The following REEP1 variants were observed in gnomAD, a reference collection of about 807,000 sequenced individuals.
REEP1 encodes the protein receptor expression-enhancing protein 1.
In REEP1, 22 loss-of-function variants were observed where a neutral mutation model predicts 40.3. The ratio of observed to expected loss-of-function variants is 0.55; its 90% CI spans 0.39 to 0.78. REEP1 has a LOEUF of 0.78. Among genes scored for constraint, REEP1 ranks in the 30% least tolerant of loss-of-function variants. The pLI, the probability that REEP1 is intolerant of heterozygous loss-of-function variation, is 0.00. For synonymous variants in REEP1, 116 were observed against 139.2 expected, an observed-to-expected ratio of 0.83 and a Z score of 1.17; for missense variants, 280 against 361.1, an observed-to-expected ratio of 0.78 and a Z score of 1.82.
At chr2:86,285,470 G>C (rs974428273) in intron 1 of REEP1, among the ~76,000 whole-genome samples, 2 of 152,136 alleles carry the variant, frequency 1.3e-5, no homozygotes, top group African/African-American at 4.8e-5. Flanking sequence ...TGTTCTACAA[G>C]CTGTACTCAC....
chr2:86,295,471 T>G (rs754619059), intron 1 of REEP1, among the ~76,000 whole-genome samples: 1 of 152,250 alleles, frequency 6.6e-6, no homozygotes, highest in Admixed American at 6.5e-5. Flanking sequence ...CTAAAAAGTA[T>G]GGTGGAATAC....
rs945339106 is a variant in REEP1, at chr2:86,278,802, G to C, written c.105+3368C>G. On this transcript the variant is annotated intron_variant, in intron 2 of 8. Transcript: ENST00000538924. ...TCCTATGGTGTGAGCTGGGCCGTCA[G>C]CACCACCCAGCCTCCTTGGATCCTC... 3.9e-5 allele frequency among the ~76,000 whole-genome samples: 6 copies of C among 152,292 alleles called. No individual in the cohort carries two copies. In the South Asian group the frequency reaches 1.2e-3, roughly 32 times the overall value.
At chr2:86,301,170 T>C (rs1679242753) in intron 1 of REEP1, among the ~76,000 whole-genome samples, 1 of 152,226 alleles carries the variant, frequency 6.6e-6, no homozygotes. Context: ...TTCATCCGCA[T>C]TCTCTTTGAA....
intron 1 of REEP1, among the ~76,000 whole-genome samples, chr2:86,305,006 C>T (rs1050495148): frequency 1.3e-5 from 2 of 151,974 alleles, no homozygotes; most frequent in Admixed American, 6.6e-5. Context: ...CAGACAGGCT[C>T]TATGGGCAAA....
intron 1 of REEP1, among the ~76,000 whole-genome samples, chr2:86,294,638 G>C (rs552807652): frequency 6.6e-6 from 1 of 151,998 alleles, no homozygotes; most frequent in Non-Finnish European, 1.5e-5. Flanking sequence ...TTTTTTACTG[G>C]TTCTGGTTGT....
At chr2:86,276,633 T>C (rs1194257187) in intron 2 of REEP1, among the ~76,000 whole-genome samples, 2 of 152,176 alleles carry the variant, frequency 1.3e-5, no homozygotes, top group African/African-American at 4.8e-5. Flanking sequence ...TGGTGTGCAG[T>C]CCTGGAGGGT....
chr2:86,318,817 A>G (rs1294944898), intron 1 of REEP1, among the ~76,000 whole-genome samples: 1 of 152,196 alleles, frequency 6.6e-6, no homozygotes, highest in Non-Finnish European at 1.5e-5. Flanking sequence ...TGGTTAGACA[A>G]GAGGGAAATG....
At chr2:86,238,424 A>C (rs1280094923) in intron 5 of REEP1, among the ~76,000 whole-genome samples, 2 of 152,206 alleles carry the variant, frequency 1.3e-5, no homozygotes, top group Admixed American at 1.3e-4. Flanking sequence ...TGTACTCCAC[A>C]CAATGATATT....
chr2:86,332,069 C>T (rs998598141), intron 1 of REEP1, among the ~76,000 whole-genome samples: 4 of 152,110 alleles, frequency 2.6e-5, no homozygotes, highest in African/African-American at 9.7e-5. Context: ...CCTGTATTCC[C>T]AGGGAAGCCC....
intron 1 of REEP1, among the ~76,000 whole-genome samples, chr2:86,314,907 G>A (rs1035230262): frequency 3.8e-4 from 57 of 151,756 alleles, no homozygotes; most frequent in African/African-American, 1.4e-3. Context: ...TGCCCAGCCT[G>A]GTCTCAAACT....
Position 86,277,342 on chromosome 2 carries a change from G to C in REEP1, c.105+4828C>G, listed in dbSNP as rs1005494812. 2.0e-5 allele frequency among the ~76,000 whole-genome samples: 3 copies of C among 152,084 alleles called. 1 individual carries two copies. The highest frequency in any genetic ancestry group is 7.2e-5 in the African/African-American group (3 of 41,400). On this transcript the variant is annotated intron_variant, in intron 2 of 8. Transcript: ENST00000538924. Reference sequence around the variant, plus strand: ...AGGCCAAGGTGTGTGGATTGCCTGAGGTCAGGAGTTCAAGACCAGCCTGGC... The same window carrying C: ...AGGCCAAGGTGTGTGGATTGCCTGACGTCAGGAGTTCAAGACCAGCCTGGC...
At chr2:86,327,966 T>C (rs1680594263) in intron 1 of REEP1, among the ~76,000 whole-genome samples, 1 of 151,994 alleles carries the variant, frequency 6.6e-6, no homozygotes, top group African/African-American at 2.4e-5. Context: ...CAGTATTTGG[T>C]TGGAGCAGGG....
At position 86,251,958 on chromosome 2, in the gene REEP1, T is replaced by C. The variant is rs1269881527; in HGVS notation, c.416A>G (p.Lys139Arg). ...GTTGTGGTACTTCCAGCACAGTACC[T>C]TGGAAGCAGCCATCACAGCCGCTGT... is the stretch of plus-strand genomic sequence containing the variant. ...AATAAVMAASKGQGALSERLR... is the reference protein window; with the variant it reads ...AATAAVMAASRGQGALSERLR... The change falls in exon 5 of 9, where the codon AAG becomes AGG. Residue 139 changes from lysine (K) to arginine (R), a missense_variant and splice_region_variant. This residue lies in a region of REEP1 where 201 missense variants were observed against 238.5 expected (regional missense o/e 0.84). Coordinates refer to ENST00000538924, the MANE Select transcript of REEP1 (RefSeq NM_001371279.1). 6.2e-7 allele frequency: 1 copy of C among 1,609,662 alleles called. No homozygotes were observed. The highest frequency in any genetic ancestry group is 1.1e-5 in the South Asian group (1 of 90,976).
intron 7 of REEP1, among the ~76,000 whole-genome samples, chr2:86,220,721 G>A (rs1419201953): frequency 6.7e-6 from 1 of 148,332 alleles, no homozygotes; most frequent in Non-Finnish European, 1.5e-5. Context: ...TTTTTTTTGC[G>A]AAGGCCCAGT....
At chr2:86,273,811 A>G (rs1384869733) in intron 2 of REEP1, among the ~76,000 whole-genome samples, 1 of 152,188 alleles carries the variant, frequency 6.6e-6, no homozygotes, top group African/African-American at 2.4e-5. Context: ...ATTCCCTGTC[A>G]TAACATTTAT....
At chr2:86,230,565 T>G (rs1479979191) in intron 6 of REEP1, among the ~76,000 whole-genome samples, 1 of 152,224 alleles carries the variant, frequency 6.6e-6, no homozygotes, top group Non-Finnish European at 1.5e-5. Flanking sequence ...GGGACCTCAC[T>G]ACCTCCCAAG....
rs949275764 is a variant in REEP1, at chr2:86,215,784, CTGA to C, written c.*1252_*1254del. ...AGCAATCCAGGCTTGTATAAAACGT[CTGA>C]TAAGGCCTGTAGTGCCCATTGAGTA... On this transcript the variant is annotated 3_prime_UTR_variant, in exon 9 of 9. Coordinates refer to ENST00000538924, the MANE Select transcript of REEP1 (RefSeq NM_001371279.1). 1 of 152,500 alleles carries C rather than the reference CTGA, an allele frequency of 6.6e-6. No homozygotes were observed. Among genetic ancestry groups the C allele is most frequent in the Non-Finnish European group, 1.5e-5 (1 of 68,046 alleles). The allele number at this position is 152,500 out of a possible 1,614,324, so 9.4% of individuals were successfully genotyped here. A position where few individuals can be genotyped will look rare whatever the true frequency, so the allele number is the denominator to read the frequency against.
intron 2 of REEP1, among the ~76,000 whole-genome samples, chr2:86,270,322 G>A (rs1485870927): frequency 3.9e-5 from 6 of 151,936 alleles, no homozygotes; most frequent in African/African-American, 1.5e-4. Flanking sequence ...TCAGCCTCCC[G>A]AGTAGCTGGG....
chr2:86,302,604 A>G (rs1226984352), intron 1 of REEP1, among the ~76,000 whole-genome samples: 3 of 152,234 alleles, frequency 2.0e-5, no homozygotes, highest in African/African-American at 7.2e-5. Flanking sequence ...AAAGCTGAAA[A>G]TGATATAAAC....
Sources: allele counts gnomAD v4.1 joint callset (sites outside exome capture counted in the v4.1 genomes callset), GRCh38; gene constraint gnomAD v4.1.1; regional missense constraint gnomAD v4.1.1; transcripts MANE v1.5; gene names NCBI Gene and HGNC (gene_info 2026-07-23, HGNC 2026-07-21).